The following CPSF6 variants were observed in gnomAD, a reference collection of about 807,000 sequenced individuals.
CPSF6 encodes cleavage and polyadenylation specific factor 6.
Under a neutral mutation model 56.7 loss-of-function variants are expected in CPSF6, and 10 were observed. That is an observed-to-expected ratio of 0.18 (90% CI 0.11 to 0.30). The LOEUF is 0.30. CPSF6 is among the 10% of genes least tolerant of loss of function. The pLI is 1.00. For synonymous variants in CPSF6, 248 were observed against 244.8 expected, an observed-to-expected ratio of 1.01 and a Z score of -0.12; for missense variants, 419 against 722.9, an observed-to-expected ratio of 0.58 and a Z score of 4.82.
chr12:69,255,892 G>A (rs1872489173), intron 3 of CPSF6, among the ~76,000 whole-genome samples: 1 of 152,172 alleles, frequency 6.6e-6, no homozygotes. Context: ...TGGGTATGGG[G>A]TGGTATCTTG....
chr12:69,240,828 T>G (rs916125804), intron 1 of CPSF6, among the ~76,000 whole-genome samples: 2 of 152,198 alleles, frequency 1.3e-5, no homozygotes, highest in Admixed American at 6.5e-5. Context: ...AGATGTCGTT[T>G]GTTGCTAGTG....
intron 2 of CPSF6, among the ~76,000 whole-genome samples, chr12:69,252,483 G>A (rs1872298922): frequency 6.6e-6 from 1 of 152,130 alleles, no homozygotes; most frequent in Non-Finnish European, 1.5e-5. Context: ...TGCTAAGTAA[G>A]TATTTGGATC....
intron 5 of CPSF6, 66 bp downstream of exon 5, chr12:69,257,971 C>A: frequency 6.3e-7 from 1 of 1,576,648 alleles, no homozygotes; most frequent in Non-Finnish European, 8.7e-7. Flanking sequence ...CCTTTTCTCT[C>A]TTTTTCAAGT....
chr12:69,252,427 T>G (rs1361652642), intron 2 of CPSF6, among the ~76,000 whole-genome samples: 3 of 152,180 alleles, frequency 2.0e-5, no homozygotes, highest in Non-Finnish European at 4.4e-5. Flanking sequence ...AGTCTGAGTA[T>G]TCTATAAAAT....
intron 3 of CPSF6, 95 bp downstream of exon 3, chr12:69,253,249 T>C: frequency 1.7e-6 from 1 of 598,828 alleles, no homozygotes; most frequent in East Asian, 3.0e-5. Flanking sequence ...TACACATGTA[T>C]ACACATGTAT....
At chr12:69,249,809 A>G (rs181702396) in intron 1 of CPSF6, among the ~76,000 whole-genome samples, 5 of 151,952 alleles carry the variant, frequency 3.3e-5, no homozygotes, top group East Asian at 1.9e-4. Context: ...ACCCTCTTCT[A>G]TTTTTTTCCT....
chr12:69,259,590 A>G, intron 7 of CPSF6, 47 bp downstream of exon 7: 2 of 1,504,494 alleles, frequency 1.3e-6, no homozygotes, highest in Non-Finnish European at 9.0e-7. Flanking sequence ...GTTATTAGGA[A>G]TGACCTAAAA....
In CPSF6 at chr12:69,254,448, G is replaced by GTT. The variant is rs566417930; in HGVS notation, c.374+1296_374+1297dup. 2.2e-4 allele frequency among the ~76,000 whole-genome samples: 34 copies of GTT among 152,236 alleles called. No homozygotes were observed. The East Asian group carries it at 3.5e-3, about 16-fold the overall frequency. ...TTTGACTTCATTCAGGACTCAAACT[G>GTT]TTTAAGAGTTTTCTTCCATGACCAT... On this transcript the variant is annotated intron_variant, in intron 3 of 9. Transcript: ENST00000435070.
intron 8 of CPSF6, among the ~76,000 whole-genome samples, chr12:69,260,502 C>T (rs1360110231): frequency 6.6e-6 from 1 of 152,108 alleles, no homozygotes; most frequent in African/African-American, 2.4e-5. Context: ...CTCCATATTT[C>T]TCCTTTTCTT....
At chr12:69,255,742 T>G (rs373909485) in intron 3 of CPSF6, among the ~76,000 whole-genome samples, 41 of 152,198 alleles carry the variant, frequency 2.7e-4, no homozygotes, top group Admixed American at 1.4e-3. Context: ...TTTCACCATG[T>G]TGGTCAGGCT....
Position 69,258,960 on chromosome 12 carries a change from G to T in CPSF6, c.1065G>T (p.Pro355=), listed in dbSNP as rs2231699. The T allele has an allele frequency of 2.5e-6, 4 of 1,613,712 alleles. No homozygotes were observed. The African/African-American group carries it at 5.3e-5, about 22-fold the overall frequency. ...CTCCAGGTGCCCCACCGCCAGCTCC[G>T]CATGTGAACCCAGCTTTCTTTCCTC... ...GPPPGAPPPA[P]HVNPAFFPPP... The change falls in exon 6 of 10, where the codon CCG becomes CCT. Residue 355 remains proline, a synonymous_variant. Coordinates refer to ENST00000435070, the MANE Select transcript of CPSF6 (RefSeq NM_007007.3). This position sits in a 1 kb window ranked among gnomAD's most constrained non-coding sequence, Gnocchi z 4.2.
In CPSF6 at chr12:69,258,984, TCCA is replaced by T; in HGVS notation, c.1093_1095del (p.Pro365del). ...CGCATGTGAACCCAGCTTTCTTTCC[TCCA>T]CCAACTAACAGTGGCATGCCTACAT... On this transcript the variant is annotated inframe_deletion, in exon 6 of 10. Coordinates refer to ENST00000435070, the MANE Select transcript of CPSF6 (RefSeq NM_007007.3). The surrounding 1 kb of genome is among the most constrained non-coding windows in gnomAD (Gnocchi z 4.2). 1.2e-6 allele frequency: 2 copies of T among 1,613,292 alleles called. No individual in the cohort carries two copies. The highest frequency in any genetic ancestry group is 1.7e-6 in the Non-Finnish European group (2 of 1,180,010).
intron 1 of CPSF6, among the ~76,000 whole-genome samples, chr12:69,250,460 C>T (rs1438689094): frequency 6.6e-6 from 1 of 151,180 alleles, no homozygotes; most frequent in African/African-American, 2.4e-5. Flanking sequence ...AAGTAGGTTT[C>T]GTTATATAGA....
At chr12:69,261,128 T>C (rs1438438564) in intron 8 of CPSF6, among the ~76,000 whole-genome samples, 2 of 152,232 alleles carry the variant, frequency 1.3e-5, no homozygotes, top group East Asian at 3.8e-4. Flanking sequence ...GATATGTCTT[T>C]AGTGTACTCT....
chr12:69,255,711 G>T (rs937247988), intron 3 of CPSF6, among the ~76,000 whole-genome samples: 1 of 152,066 alleles, frequency 6.6e-6, no homozygotes, highest in Non-Finnish European at 1.5e-5. Context: ...GCTAATTTTT[G>T]AATTTTTAGT....
intron 6 of CPSF6, 107 bp from the exon 7 acceptor site, chr12:69,259,321 C>A: frequency 7.2e-7 from 1 of 1,397,546 alleles, no homozygotes; most frequent in Non-Finnish European, 9.6e-7. Context: ...TAACTACTAT[C>A]TCTAAAGCAC....
At chr12:69,247,096 T>A (rs988970642) in intron 1 of CPSF6, among the ~76,000 whole-genome samples, 1 of 146,816 alleles carries the variant, frequency 6.8e-6, no homozygotes, top group African/African-American at 2.5e-5. Context: ...ATCTGTGATA[T>A]TAAAATTGTA....
rs374207177 is a variant in CPSF6 at position 69,251,155 on chromosome 12, G to C, written c.87G>C (p.Gln29His). Reference protein sequence around the residue: ...NQEAEYGGHDQIDLYDDVISP... With the variant: ...NQEAEYGGHDHIDLYDDVISP... Reference sequence around the variant, plus strand: ...AAGCTGAATATGGTGGGCATGATCAGATAGATTTGTATGACGATGTCATAT... The same window carrying C: ...AAGCTGAATATGGTGGGCATGATCACATAGATTTGTATGACGATGTCATAT... The change falls in exon 2 of 10, where the codon CAG becomes CAC. Residue 29 changes from glutamine (Q) to histidine (H), a missense_variant. By Grantham distance (24) the Gln-to-His change is conservative. This residue lies in a region of CPSF6 where 125 missense variants were observed against 216.4 expected (regional missense o/e 0.58). Coordinates refer to ENST00000435070, the MANE Select transcript of CPSF6 (RefSeq NM_007007.3). The C allele has an allele frequency of 6.2e-7, 1 of 1,612,540 alleles. No homozygotes were observed. The highest frequency in any genetic ancestry group is 2.2e-5 in the East Asian group (1 of 44,870).
In CPSF6 at chr12:69,262,498, G is replaced by A. The variant is rs1872787168; in HGVS notation, c.1595G>A (p.Arg532Gln). The A allele has an allele frequency of 1.2e-6, 2 of 1,613,846 alleles. No individual in the cohort carries two copies. The highest frequency in any genetic ancestry group is 1.7e-6 in the Non-Finnish European group (2 of 1,179,960). ...AGAAGCAGAGAACGAGAGAGGCACC[G>A]GGATCGTGACCGAGACCGTGACCGA... ...RERSRERERH[R>Q]DRDRDRDRER... The change falls in exon 9 of 10, where the codon CGG (arginine) becomes CAG (glutamine). Residue 532 changes from arginine (R) to glutamine (Q), a missense_variant. Arg to Gln is a conservative substitution (Grantham distance 43, BLOSUM62 1). Coordinates refer to ENST00000435070, the MANE Select transcript of CPSF6 (RefSeq NM_007007.3).
Sources: allele counts gnomAD v4.1 joint callset (sites outside exome capture counted in the v4.1 genomes callset), GRCh38; gene constraint gnomAD v4.1.1; regional missense constraint gnomAD v4.1.1; non-coding constraint Gnocchi (gnomAD v3.1); transcripts MANE v1.5; gene names NCBI Gene and HGNC (gene_info 2026-07-23, HGNC 2026-07-21).